F13A1: variants seen among roughly 807,000 people sequenced by gnomAD.
F13A1 encodes the protein coagulation factor XIII A chain, also known as FSF, A subunit.
Under a neutral mutation model 80.1 loss-of-function variants are expected in F13A1, and 47 were observed. The observed-to-expected ratio is 0.59, with a 90% confidence interval of 0.46 to 0.75. The LOEUF (loss-of-function observed/expected upper bound fraction) is 0.75, where lower values mean the gene tolerates loss of function less well. Ranked by LOEUF, F13A1 falls within the 30% of genes least tolerant of loss-of-function variation. The pLI, the probability that F13A1 is intolerant of heterozygous loss-of-function variation, is 0.00. For missense variants in F13A1, 817 were observed against 930.4 expected, an observed-to-expected ratio of 0.88 and a Z score of 1.59; for synonymous variants, 349 against 344.9, an observed-to-expected ratio of 1.01 and a Z score of -0.13.
intron 3 of F13A1, among the ~76,000 whole-genome samples, chr6:6,281,192 A>G (rs1461133405): frequency 6.6e-6 from 1 of 152,352 alleles, no homozygotes; most frequent in South Asian, 2.1e-4. Context: ...TCTTACCTCC[A>G]TATTTACACT....
intron 8 of F13A1, among the ~76,000 whole-genome samples, chr6:6,219,293 C>T (rs545971320): frequency 6.6e-6 from 1 of 151,776 alleles, no homozygotes; most frequent in South Asian, 2.1e-4. Context: ...ATCATTCCCA[C>T]CCCCACCTCA....
intron 7 of F13A1, among the ~76,000 whole-genome samples, chr6:6,223,651 T>C (rs1757232593): frequency 6.6e-6 from 1 of 152,158 alleles, no homozygotes; most frequent in Admixed American, 6.5e-5. Context: ...TGTTTGATAC[T>C]ATGGGAAAAT....
chr6:6,319,721 G>A (rs554712618), intron 1 of F13A1, among the ~76,000 whole-genome samples: 1 of 152,102 alleles, frequency 6.6e-6, no homozygotes, highest in Non-Finnish European at 1.5e-5. Context: ...TAGAGAGATG[G>A]TTCCAGAGAC....
At chr6:6,293,315 C>A (rs1758250714) in intron 3 of F13A1, among the ~76,000 whole-genome samples, 1 of 152,072 alleles carries the variant, frequency 6.6e-6, no homozygotes, top group Non-Finnish European at 1.5e-5. Context: ...GGGCCCATGT[C>A]AAAGTAACAG....
intron 4 of F13A1, among the ~76,000 whole-genome samples, chr6:6,251,430 C>A (rs564002346): frequency 6.6e-6 from 1 of 152,304 alleles, no homozygotes; most frequent in Non-Finnish European, 1.5e-5. Context: ...AGCAGTAGGT[C>A]ATCTCCTTTT....
At position 6,180,154 on chromosome 6, in the gene F13A1, C is replaced by T. The variant is rs1760955371; in HGVS notation, c.1459+1834G>A. ...TTCTTCCAAATACGAGAGTTCTCAC[C>T]ACAGTCCTTGCCTTACTGCCTTTTC... On this transcript the variant is annotated intron_variant, in intron 11 of 14. Coordinates refer to ENST00000264870, the MANE Select transcript of F13A1 (RefSeq NM_000129.4). 2.6e-5 allele frequency among the ~76,000 whole-genome samples: 4 copies of T among 152,198 alleles called. No individual in the cohort carries two copies. In the South Asian group the frequency reaches 8.3e-4, roughly 32 times the overall value.
chr6:6,307,032 G>A (rs750797589), intron 2 of F13A1, among the ~76,000 whole-genome samples: 17 of 152,282 alleles, frequency 1.1e-4, no homozygotes, highest in South Asian at 1.0e-3. Context: ...AAATTACTGC[G>A]TTAAGGTACT....
chr6:6,213,297 C>G (rs201918374), intron 8 of F13A1, among the ~76,000 whole-genome samples: 28,664 of 150,638 alleles, frequency 0.19, 3,245 homozygotes, highest in Non-Finnish European at 0.27. Flanking sequence ...GGGTTACCCT[C>G]AAAGGGAAGC....
rs1357446185 is a variant in F13A1, at chr6:6,145,172, AC to A, written c.*446del. 4.6e-6 allele frequency: 1 copy of A among 219,222 alleles called. No individual in the cohort carries two copies. The highest frequency in any genetic ancestry group is 9.2e-6 in the Non-Finnish European group (1 of 108,848). The allele number at this position is 219,222 out of a possible 1,614,324, so 13.6% of individuals were successfully genotyped here. On this transcript the variant is annotated 3_prime_UTR_variant, in exon 15 of 15. Coordinates refer to ENST00000264870, the MANE Select transcript of F13A1 (RefSeq NM_000129.4). ...ATTCTCACATGGAGGGTAGAACCTG[AC>A]CCCGAGAAAGGGGACTGGAATTCTA...
At chr6:6,216,534 G>T (rs1424321044) in intron 8 of F13A1, among the ~76,000 whole-genome samples, 11 of 149,182 alleles carry the variant, frequency 7.4e-5, no homozygotes, top group African/African-American at 2.8e-4. Context: ...ATTCAAGATG[G>T]ATTAAAGACT....
At chr6:6,148,394 C>T (rs1246106150) in intron 14 of F13A1, among the ~76,000 whole-genome samples, 1 of 152,178 alleles carries the variant, frequency 6.6e-6, no homozygotes, top group Non-Finnish European at 1.5e-5. Flanking sequence ...AGGCCCTCTG[C>T]TTTGGGTTCA....
intron 6 of F13A1, among the ~76,000 whole-genome samples, chr6:6,246,221 A>G (rs1211383473): frequency 6.6e-6 from 1 of 152,210 alleles, no homozygotes; most frequent in Admixed American, 6.5e-5. Flanking sequence ...ACGGGAGAGT[A>G]TCTGCCTGAA....
intron 8 of F13A1, among the ~76,000 whole-genome samples, chr6:6,212,864 G>A (rs1361449974): frequency 0.017 from 2,637 of 151,322 alleles, 71 homozygotes; most frequent in African/African-American, 0.059. Context: ...AGCAAGGCTC[G>A]AGAACTAAGT....
intron 11 of F13A1, among the ~76,000 whole-genome samples, chr6:6,181,365 G>A (rs977517952): frequency 3.9e-5 from 6 of 152,238 alleles, no homozygotes; most frequent in South Asian, 2.1e-4. Flanking sequence ...GGCATAGAGC[G>A]GACACTAAGC....
chr6:6,197,605 G>T (rs937047759), intron 8 of F13A1, among the ~76,000 whole-genome samples: 2 of 151,976 alleles, frequency 1.3e-5, no homozygotes, highest in African/African-American at 4.8e-5. Flanking sequence ...TTGAATCTGG[G>T]ATATGGAGGT....
At chr6:6,280,518 G>A (rs1161828861) in intron 3 of F13A1, among the ~76,000 whole-genome samples, 2 of 152,164 alleles carry the variant, frequency 1.3e-5, no homozygotes, top group Non-Finnish European at 2.9e-5. Context: ...TCCTTCATAA[G>A]TTGATTACCG....
intron 14 of F13A1, among the ~76,000 whole-genome samples, chr6:6,147,468 C>A (rs1760305651): frequency 6.6e-6 from 1 of 152,190 alleles, no homozygotes; most frequent in African/African-American, 2.4e-5. Context: ...AGGAAAGTTT[C>A]TCCTGCCTGT....
intron 10 of F13A1, 103 bp from the exon 11 acceptor site, chr6:6,182,244 A>G: frequency 2.3e-6 from 3 of 1,277,786 alleles, no homozygotes; most frequent in Non-Finnish European, 3.4e-6. Flanking sequence ...TGGAGCTGAC[A>G]TGCCCCTTTC....
intron 4 of F13A1, among the ~76,000 whole-genome samples, chr6:6,251,492 C>T (rs950751902): frequency 6.6e-6 from 1 of 152,164 alleles, no homozygotes; most frequent in African/African-American, 2.4e-5. Context: ...CAACCAGCTT[C>T]CCTGGCCAGT....
Sources: gnomAD v4.1 joint callset for allele counts (sites outside exome capture counted in the v4.1 genomes callset) on GRCh38, gnomAD v4.1.1 for gene constraint, MANE v1.5 for transcripts, NCBI Gene and HGNC (gene_info 2026-07-23, HGNC 2026-07-21) for gene names.